UBASH3A: variants seen among roughly 807,000 people sequenced by gnomAD.
UBASH3A encodes the protein ubiquitin-associated and SH3 domain-containing protein A.
A neutral mutation model predicts 73.5 loss-of-function variants in UBASH3A; 63 were observed. The ratio of observed to expected loss-of-function variants is 0.86; its 90% CI spans 0.70 to 1.06. UBASH3A has a LOEUF of 1.06. Among genes scored for constraint, UBASH3A ranks in the 50% least tolerant of loss-of-function variants. The pLI, the probability that UBASH3A is intolerant of heterozygous loss-of-function variation, is 0.00. For synonymous variants in UBASH3A, 363 were observed against 351.1 expected (o/e 1.03, Z -0.38); for missense variants, 860 against 859.0 (o/e 1.00, Z -0.02).
chr21:42,416,386 A>C, intron 5 of UBASH3A, 56 bp from the exon 6 acceptor site: 43 of 1,478,742 alleles, frequency 2.9e-5, no homozygotes, highest in Non-Finnish European at 3.4e-5. Context: ...GGTCGGAGGA[A>C]GGAGACATTT....
chr21:42,412,532 G>A (rs2053121027), intron 3 of UBASH3A, among the ~76,000 whole-genome samples: 1 of 152,198 alleles, frequency 6.6e-6, no homozygotes, highest in African/African-American at 2.4e-5. Context: ...AGGAGTCCCT[G>A]TGGAACCCGA....
chr21:42,421,677 A>G (rs1417879439), intron 7 of UBASH3A, among the ~76,000 whole-genome samples: 1 of 152,232 alleles, frequency 6.6e-6, no homozygotes, highest in Non-Finnish European at 1.5e-5. Flanking sequence ...TGGCAAAACT[A>G]TGAAAATTGT....
intron 9 of UBASH3A, among the ~76,000 whole-genome samples, chr21:42,434,263 G>A (rs183009998): frequency 6.6e-6 from 1 of 152,286 alleles, no homozygotes; most frequent in East Asian, 1.9e-4. Flanking sequence ...TTTGCTACCA[G>A]ACTGTCAGAT....
intron 14 of UBASH3A, among the ~76,000 whole-genome samples, chr21:42,446,014 C>T (rs1243656065): frequency 6.6e-6 from 1 of 152,184 alleles, no homozygotes; most frequent in East Asian, 1.9e-4. Flanking sequence ...TTCCCACAGT[C>T]CCATATACAC....
At position 42,426,698 on chromosome 21, in the gene UBASH3A, A is replaced by T. The variant is rs931488898; in HGVS notation, c.1048A>T (p.Met350Leu). ...SESDTWVKHRMYTFSLATDLN... is the reference protein window; with the variant it reads ...SESDTWVKHRLYTFSLATDLN... Reference sequence around the variant, plus strand: ...AGCCGTGCTTTCCTTCCCCTGCAGGATGTACACCTTCAGTCTAGCCACAGA... The same window carrying T: ...AGCCGTGCTTTCCTTCCCCTGCAGGTTGTACACCTTCAGTCTAGCCACAGA... The change falls in exon 8 of 15, where the codon ATG (methionine) becomes TTG (leucine). Residue 350 changes from methionine to leucine, a missense_variant and splice_region_variant. Transcript: ENST00000319294. 6.2e-7 allele frequency: 1 copy of T among 1,613,666 alleles called. No homozygotes were observed. Among genetic ancestry groups the T allele is most frequent in the African/African-American group, 1.3e-5 (1 of 74,900 alleles).
intron 8 of UBASH3A, among the ~76,000 whole-genome samples, chr21:42,429,428 A>G (rs1270033542): frequency 1.3e-5 from 2 of 152,180 alleles, no homozygotes; most frequent in East Asian, 3.8e-4. Flanking sequence ...TTGCTTTATC[A>G]TCATATTCCT....
chr21:42,434,421 C>A (rs987066727), intron 9 of UBASH3A, among the ~76,000 whole-genome samples: 1 of 152,156 alleles, frequency 6.6e-6, no homozygotes, highest in Non-Finnish European at 1.5e-5. Flanking sequence ...AGCACTCTGT[C>A]CCCTGAGCAA....
intron 2 of UBASH3A, among the ~76,000 whole-genome samples, chr21:42,408,929 A>AAAAT (rs1439728337): frequency 6.7e-6 from 1 of 148,546 alleles, no homozygotes; most frequent in Non-Finnish European, 1.5e-5. Context: ...AAAATAAAAT[A>AAAAT]AAATAAAATA....
intron 9 of UBASH3A, 109 bp downstream of exon 9, chr21:42,432,311 G>A: frequency 1.4e-6 from 1 of 723,398 alleles, no homozygotes; most frequent in Non-Finnish European, 2.4e-6. Context: ...GCACCATTCT[G>A]TAGAATGACC....
chr21:42,446,991 G>A, intron 14 of UBASH3A, 66 bp from the exon 15 acceptor site: 2 of 1,548,910 alleles, frequency 1.3e-6, no homozygotes, highest in South Asian at 1.2e-5. Context: ...AGTTGGCTTT[G>A]GAGCTAGTCT....
intron 1 of UBASH3A, among the ~76,000 whole-genome samples, chr21:42,405,497 C>T (rs938938933): frequency 6.6e-6 from 1 of 152,208 alleles, no homozygotes; most frequent in East Asian, 1.9e-4. Context: ...AATTTCCCCA[C>T]ACCAGAGCAC....
At chr21:42,432,784 G>A (rs1036995798) in intron 9 of UBASH3A, among the ~76,000 whole-genome samples, 1 of 152,192 alleles carries the variant, frequency 6.6e-6, no homozygotes, top group African/African-American at 2.4e-5. Flanking sequence ...ACCATTGGCA[G>A]ATGACAATCA....
intron 11 of UBASH3A, 96 bp from the exon 12 acceptor site, chr21:42,442,356 G>A (rs2254368): frequency 0.59 from 720,170 of 1,219,364 alleles, 216,062 homozygotes; most frequent in Admixed American, 0.63. Flanking sequence ...TGATTTAGAC[G>A]TGTGTGTGAC....
rs1043267035 is a variant in UBASH3A at position 42,416,586 on chromosome 21, G to A, written c.812G>A (p.Arg271Gln). Residue 271 changes from arginine to glutamine, a missense_variant, in exon 6 of 15, where the codon CGA (arginine) becomes CAA (glutamine). Coordinates refer to ENST00000319294, the MANE Select transcript of UBASH3A (RefSeq NM_018961.4). ...SCQWTAALYSRDMRFVHYQTL... is the reference protein window; with the variant it reads ...SCQWTAALYSQDMRFVHYQTL... Reference sequence around the variant, plus strand: ...CAGTGGACCGCAGCACTCTACTCCCGAGACATGCGCTTTGTGCACTACCAG... The same window carrying A: ...CAGTGGACCGCAGCACTCTACTCCCAAGACATGCGCTTTGTGCACTACCAG... The A allele has an allele frequency of 3.7e-6, 6 of 1,602,180 alleles. No individual in the cohort carries two copies. The highest frequency in any genetic ancestry group is 1.7e-4 in the Middle Eastern group (1 of 6,030).
chr21:42,427,106 T>G (rs887381472), intron 8 of UBASH3A, among the ~76,000 whole-genome samples: 11 of 151,982 alleles, frequency 7.2e-5, no homozygotes, highest in African/African-American at 2.7e-4. Context: ...ATTCCCTCAT[T>G]CATGAGCCAA....
At chr21:42,426,568 G>A in intron 7 of UBASH3A, 129 bp from the exon 8 acceptor site, 1 of 1,037,046 alleles carries the variant, frequency 9.6e-7, no homozygotes, top group South Asian at 1.6e-5. Context: ...ACTTCATTTT[G>A]TGCTCATGGG....
At position 42,444,591 on chromosome 21, in the gene UBASH3A, T is replaced by A; in HGVS notation, c.1796T>A (p.Leu599Gln). 1.2e-6 allele frequency: 2 copies of A among 1,614,198 alleles called. No individual in the cohort carries two copies. The highest frequency in any genetic ancestry group is 1.7e-6 in the Non-Finnish European group (2 of 1,180,032). Reference protein sequence around the residue: ...GSTLDSCTRPLLGLPPRECGD... With the variant: ...GSTLDSCTRPQLGLPPRECGD... Reference sequence around the variant, plus strand: ...ACTCTGGACTCCTGCACGCGGCCACTGCTCGGGCTGCCGCCCCGGGAATGT... The same window carrying A: ...ACTCTGGACTCCTGCACGCGGCCACAGCTCGGGCTGCCGCCCCGGGAATGT... Residue 599 changes from leucine (L) to glutamine (Q), a missense_variant, in exon 14 of 15, where the codon CTG becomes CAG. Coordinates refer to ENST00000319294, the MANE Select transcript of UBASH3A (RefSeq NM_018961.4).
At chr21:42,442,627 G>C (rs1433699991) in intron 12 of UBASH3A, 31 bp downstream of exon 12, 2 of 1,574,434 alleles carry the variant, frequency 1.3e-6, no homozygotes, top group African/African-American at 1.4e-5. Context: ...CTGCCACTGG[G>C]GCTTTTCCAG....
At chr21:42,410,463 C>T in intron 3 of UBASH3A, 1 of 446,058 alleles carries the variant, frequency 2.2e-6, no homozygotes, top group Non-Finnish European at 3.9e-6. Context: ...GGAATGCAAA[C>T]CTCTGAAGGG....
Sources: allele counts gnomAD v4.1 joint callset (sites outside exome capture counted in the v4.1 genomes callset), GRCh38; gene constraint gnomAD v4.1.1; transcripts MANE v1.5; gene names NCBI Gene and HGNC (gene_info 2026-07-23, HGNC 2026-07-21).